GALNTL6: variants seen among roughly 807,000 people sequenced by gnomAD.
GALNTL6 encodes polypeptide N-acetylgalactosaminyltransferase-like 6.
Under a neutral mutation model 73.7 loss-of-function variants are expected in GALNTL6, and 46 were observed. The observed-to-expected ratio is 0.62, with a 90% CI of 0.49 to 0.80. GALNTL6 has a LOEUF of 0.80. GALNTL6 is among the 30% of genes least tolerant of loss of function. The pLI is 0.00. For synonymous variants in GALNTL6, 259 were observed against 263.7 expected (o/e 0.98, Z 0.17); for missense variants, 604 against 755.0 (o/e 0.80, Z 2.34).
At chr4:172,279,409 T>C (rs1291935594) in intron 3 of GALNTL6, among the ~76,000 whole-genome samples, 23 of 149,186 alleles carry the variant, frequency 1.5e-4, no homozygotes. Context: ...ATGACTTCAA[T>C]AGACATTTTT....
At chr4:172,350,370 C>T (rs1561040111) in intron 5 of GALNTL6, among the ~76,000 whole-genome samples, 1 of 152,124 alleles carries the variant, frequency 6.6e-6, no homozygotes, top group Non-Finnish European at 1.5e-5. Context: ...ATACTGGCAC[C>T]TACATTTTCT....
intron 5 of GALNTL6, among the ~76,000 whole-genome samples, chr4:172,482,612 A>G (rs1733531328): frequency 2.0e-5 from 3 of 152,272 alleles, no homozygotes; most frequent in Admixed American, 2.0e-4. Flanking sequence ...TATTCTAGAA[A>G]AATGCCACAA....
intron 5 of GALNTL6, among the ~76,000 whole-genome samples, chr4:172,737,021 T>C (rs1898555): frequency 0.36 from 54,627 of 152,102 alleles, 10,868 homozygotes; most frequent in African/African-American, 0.52. Context: ...ATTAAACCTC[T>C]TTTTCTTTAT....
chr4:172,626,149 G>C (rs1307942693), intron 5 of GALNTL6, among the ~76,000 whole-genome samples: 1 of 151,946 alleles, frequency 6.6e-6, no homozygotes, highest in Non-Finnish European at 1.5e-5. Flanking sequence ...CTCATAGTCT[G>C]TGGTCTTATA....
At chr4:171,944,278 T>A (rs1444546928) in intron 2 of GALNTL6, among the ~76,000 whole-genome samples, 1 of 152,074 alleles carries the variant, frequency 6.6e-6, no homozygotes, top group Non-Finnish European at 1.5e-5. Flanking sequence ...AACATTCAGA[T>A]GCAACATTGT....
At position 172,362,635 on chromosome 4, in the gene GALNTL6, A is replaced by T. The variant is rs571507050; in HGVS notation, c.553+13946A>T. 7.2e-5 allele frequency among the ~76,000 whole-genome samples: 11 copies of T among 152,208 alleles called. No homozygotes were observed. The South Asian group carries it at 2.3e-3, about 32-fold the overall frequency. On this transcript the variant is annotated intron_variant, in intron 5 of 12. Coordinates refer to ENST00000506823, the MANE Select transcript of GALNTL6 (RefSeq NM_001034845.3). Reference sequence around the variant, plus strand: ...CATTCTGTACAACTAAACTCTTCTCATGCTTCTGACCTGAACATTCAACAA... The same window carrying T: ...CATTCTGTACAACTAAACTCTTCTCTTGCTTCTGACCTGAACATTCAACAA...
chr4:171,961,757 C>A lies in GALNTL6; in HGVS notation c.138+147039C>A, dbSNP rs141690123. Among the ~76,000 whole-genome samples, 1,287 of 152,246 alleles carry A rather than the reference C, an allele frequency of 8.5e-3. 18 individuals are homozygous for A. The highest frequency in any genetic ancestry group is 0.029 in the African/African-American group (1,205 of 41,548). On this transcript the variant is annotated intron_variant, in intron 2 of 12. Coordinates refer to ENST00000506823, the MANE Select transcript of GALNTL6 (RefSeq NM_001034845.3). ...GTCTCTAGCTGCTGCTCAGAAGAAA[C>A]AAGGGGGATGGGTAATGTAAAAATC...
In GALNTL6 at chr4:172,751,441, C is replaced by T. The variant is rs548541088; in HGVS notation, c.554-57920C>T. On this transcript the variant is annotated intron_variant, in intron 5 of 12. Coordinates refer to ENST00000506823, the MANE Select transcript of GALNTL6 (RefSeq NM_001034845.3). The stretch of plus-strand genomic sequence containing the variant: ...GACAAACTATTGATCTTAAAAATAT[C>T]ACCAACTATTTCACTAATCTTTCTC... Among the ~76,000 whole-genome samples the T allele has an allele frequency of 2.2e-4, 34 of 152,250 alleles. 1 individual carries two copies. The South Asian group carries it at 5.6e-3, about 25-fold the overall frequency.
chr4:172,015,179 C>A (rs1741146872), intron 2 of GALNTL6, among the ~76,000 whole-genome samples: 2 of 150,220 alleles, frequency 1.3e-5, no homozygotes, highest in Non-Finnish European at 3.0e-5. Flanking sequence ...TATTGTGGTG[C>A]CCTCTATCTC....
intron 2 of GALNTL6, among the ~76,000 whole-genome samples, chr4:171,858,500 T>C (rs942214683): frequency 6.6e-6 from 1 of 150,396 alleles, no homozygotes; most frequent in East Asian, 1.9e-4. Context: ...CTATCAGATA[T>C]ATGTTAATAT....
intron 5 of GALNTL6, among the ~76,000 whole-genome samples, chr4:172,458,299 C>A (rs1273196629): frequency 6.6e-6 from 1 of 151,404 alleles, no homozygotes; most frequent in Non-Finnish European, 1.5e-5. Context: ...TTCAACATCA[C>A]AATTAAAACT....
chr4:173,009,074 C>T (rs566331878), intron 10 of GALNTL6, 104 bp from the exon 11 acceptor site: 10 of 765,708 alleles, frequency 1.3e-5, no homozygotes, highest in Admixed American at 2.0e-5. Context: ...TGCATGTAAC[C>T]AAAAAGATAA....
chr4:172,910,856 T>A (rs1216461989), intron 8 of GALNTL6, among the ~76,000 whole-genome samples: 1 of 152,216 alleles, frequency 6.6e-6, no homozygotes, highest in African/African-American at 2.4e-5. Flanking sequence ...TGAGTCTCTC[T>A]CATCCAGCCA....
chr4:172,457,508 A>G (rs1732442777), intron 5 of GALNTL6, among the ~76,000 whole-genome samples: 1 of 152,174 alleles, frequency 6.6e-6, no homozygotes, highest in South Asian at 2.1e-4. Flanking sequence ...AAATAAAGGG[A>G]TGGAGGAATA....
intron 2 of GALNTL6, among the ~76,000 whole-genome samples, chr4:172,104,101 G>A (rs767354891): frequency 6.6e-6 from 1 of 151,844 alleles, no homozygotes; most frequent in Admixed American, 6.6e-5. Flanking sequence ...CCACCACCAC[G>A]CCTGGCTAAT....
chr4:172,859,214 T>A (rs1744269962), intron 7 of GALNTL6, among the ~76,000 whole-genome samples: 1 of 152,102 alleles, frequency 6.6e-6, no homozygotes, highest in South Asian at 2.1e-4. Flanking sequence ...AGACTGAAGA[T>A]CACACAAAGG....
chr4:172,587,816 G>A (rs1398263857), intron 5 of GALNTL6, among the ~76,000 whole-genome samples: 1 of 152,046 alleles, frequency 6.6e-6, no homozygotes, highest in African/African-American at 2.4e-5. Context: ...GTGTGTGTCT[G>A]TGTGTGTGTG....
At chr4:172,985,998 T>A (rs1168184620) in intron 10 of GALNTL6, among the ~76,000 whole-genome samples, 3 of 152,220 alleles carry the variant, frequency 2.0e-5, no homozygotes, top group Admixed American at 1.3e-4. Flanking sequence ...GTTTGGAGAA[T>A]GGGCTTTTTA....
chr4:172,783,570 A>T (rs369730884), intron 5 of GALNTL6, among the ~76,000 whole-genome samples: 1 of 150,904 alleles, frequency 6.6e-6, no homozygotes, highest in African/African-American at 2.4e-5. Flanking sequence ...TGCTGCTGTA[A>T]CAAGTTCCCA....
Sources: allele counts gnomAD v4.1 joint callset (sites outside exome capture counted in the v4.1 genomes callset), GRCh38; gene constraint gnomAD v4.1.1; transcripts MANE v1.5; gene names NCBI Gene and HGNC (gene_info 2026-07-23, HGNC 2026-07-21).